Variants in TTC39C observed in about 807,000 individuals in gnomAD.
TTC39C encodes tetratricopeptide repeat domain 39C, also known as tetratricopeptide repeat protein 39C.
Under a neutral mutation model 76.3 loss-of-function variants are expected in TTC39C, and 33 were observed. That is an observed-to-expected ratio of 0.43 (90% CI 0.33 to 0.58). TTC39C has a LOEUF of 0.58. Among genes scored for constraint, TTC39C ranks in the 20% least tolerant of loss-of-function variants. TTC39C has a pLI of 0.04. For missense variants in TTC39C, 595 were observed against 701.4 expected, an observed-to-expected ratio of 0.85 and a Z score of 1.71; for synonymous variants, 254 against 260.6, an observed-to-expected ratio of 0.97 and a Z score of 0.24.
chr18:24,080,587 T>G lies in TTC39C; in HGVS notation c.463T>G (p.Tyr155Asp). ...LSFVKQELSA[Y>D]IKGGWILRKA... ...CTTTTCTCCCCTTCTCTTTTTAGCT[T>G]ATATCAAAGGTGGGTGGATCCTTAG... Residue 155 changes from tyrosine (Y) to aspartate (D), a missense_variant and splice_region_variant, in exon 5 of 14, where the codon TAT becomes GAT. Tyr to Asp is a radical substitution (Grantham distance 160). Transcript: ENST00000317571. The G allele has an allele frequency of 3.2e-6, 5 of 1,585,228 alleles. No homozygotes were observed. The highest frequency in any genetic ancestry group is 4.3e-6 in the Non-Finnish European group (5 of 1,167,682).
intron 1 of TTC39C, among the ~76,000 whole-genome samples, chr18:24,001,856 C>T (rs1271214348): frequency 1.7e-4 from 20 of 115,972 alleles, no homozygotes; most frequent in African/African-American, 7.1e-4. Flanking sequence ...GACGGAGTCT[C>T]GCTCTGTGGC....
chr18:24,094,227 C>T (rs1003101820), intron 6 of TTC39C, among the ~76,000 whole-genome samples: 3 of 152,164 alleles, frequency 2.0e-5, no homozygotes, highest in African/African-American at 7.2e-5. Flanking sequence ...CATGTTTTGT[C>T]CTGCGATTGC....
intron 1 of TTC39C, among the ~76,000 whole-genome samples, chr18:24,031,549 T>A (rs1291864440): frequency 6.6e-6 from 1 of 152,200 alleles, no homozygotes; most frequent in Admixed American, 6.5e-5. Flanking sequence ...CTTTATTGTC[T>A]GCCAATTTTG....
chr18:24,006,860 C>T lies in TTC39C; in HGVS notation c.-17+13822C>T, dbSNP rs188976587. ...TGTGCTATGAATGTGTATCTGGCTA[C>T]GTGTCTCATCAGGATGAGCTTCTCT... On this transcript the variant is annotated intron_variant, in intron 1 of 13. Transcript: ENST00000304621. 2.1e-4 allele frequency among the ~76,000 whole-genome samples: 32 copies of T among 152,276 alleles called. No individual in the cohort carries two copies. In the East Asian group the frequency reaches 2.7e-3, roughly 13 times the overall value.
chr18:24,066,219 A>G lies in TTC39C; in HGVS notation c.345+79A>G, dbSNP rs8096969. ...CTTTTGTTCATTTAGAACAAAAGCC[A>G]TTTGCTTGGTTTTAGTATTTAGAAT... On this transcript the variant is annotated intron_variant, in intron 3 of 13. Coordinates refer to ENST00000317571, the MANE Select transcript of TTC39C (RefSeq NM_001135993.2). 1.7e-3 allele frequency: 2,592 copies of G among 1,510,130 alleles called. 41 individuals carry two copies. The African/African-American group carries it at 0.031, about 18-fold the overall frequency. The allele number at this position is 1,510,130 out of a possible 1,614,324, so 93.5% of individuals were successfully genotyped here. A position where few individuals can be genotyped will look rare whatever the true frequency, so the allele number is the denominator to read the frequency against.
intron 10 of TTC39C, 151 bp downstream of exon 10, chr18:24,125,701 G>A: frequency 9.9e-7 from 1 of 1,010,840 alleles, no homozygotes; most frequent in Non-Finnish European, 1.4e-6. Context: ...GTGTCGTGAT[G>A]AAGAAAATCC....
intron 1 of TTC39C, chr18:24,015,249 T>G: frequency 2.2e-6 from 1 of 447,222 alleles, no homozygotes. Flanking sequence ...CGTTGTCCTT[T>G]CCCTCCCGGG....
intron 1 of TTC39C, among the ~76,000 whole-genome samples, chr18:23,993,513 T>C (rs1307340346): frequency 3.3e-5 from 5 of 152,192 alleles, no homozygotes; most frequent in Non-Finnish European, 7.3e-5. Flanking sequence ...CACTTATAGA[T>C]CTTGTACTCC....
Position 24,134,273 on chromosome 18 carries a change from T to TG in TTC39C, c.*1699_*1700insG, listed in dbSNP as rs2085171749. On this transcript the variant is annotated 3_prime_UTR_variant, in exon 14 of 14. Transcript: ENST00000317571. ...TGGACATCTGTTTTTTGTTTTTTTT[T>TG]TTTTTTTTTTTTTTTTTTGAGACGG... The TG allele has an allele frequency of 1.5e-5, 2 of 130,496 alleles. No homozygotes were observed. Among genetic ancestry groups the TG allele is most frequent in the African/African-American group, 5.8e-5 (2 of 34,396 alleles). The allele number at this position is 130,496 out of a possible 1,614,324, so 8.1% of individuals were successfully genotyped here.
chr18:24,113,265 C>G (rs563084215), intron 6 of TTC39C: 1 of 354,400 alleles, frequency 2.8e-6, no homozygotes, highest in South Asian at 4.4e-5. Context: ...AGTCATTTGG[C>G]TTACAGTGTT....
At chr18:24,099,037 A>G (rs8094040) in intron 6 of TTC39C, among the ~76,000 whole-genome samples, 101,093 of 131,132 alleles carry the variant, frequency 0.77, 37,573 homozygotes, top group Middle Eastern at 0.87. Context: ...GTGTGTGTGT[A>G]TATATATATC....
At chr18:24,030,682 C>T (rs1057159718) in intron 1 of TTC39C, among the ~76,000 whole-genome samples, 9 of 102,068 alleles carry the variant, frequency 8.8e-5, no homozygotes, top group Admixed American at 1.6e-4. Flanking sequence ...GATGGAATCT[C>T]GCTCTGTCAC....
At chr18:24,008,280 A>G (rs1255748069) in intron 1 of TTC39C, among the ~76,000 whole-genome samples, 1 of 152,230 alleles carries the variant, frequency 6.6e-6, no homozygotes, top group South Asian at 2.1e-4. Flanking sequence ...CACTCTGAGA[A>G]GCAAATGCCA....
intron 7 of TTC39C, 93 bp downstream of exon 7, chr18:24,114,740 G>A (rs2084870004): frequency 1.1e-6 from 1 of 910,396 alleles, no homozygotes; most frequent in Admixed American, 2.0e-5. Context: ...TCTACAAAAT[G>A]CTTGGTGCCT....
At chr18:24,076,907 G>A (rs2084313898) in intron 4 of TTC39C, 1 of 152,164 alleles carries the variant, frequency 6.6e-6, no homozygotes, top group South Asian at 2.1e-4. Context: ...GGAGGTTTCT[G>A]TTGTGTTTTA....
At position 24,064,127 on chromosome 18, in the gene TTC39C, G is replaced by A; in HGVS notation, c.168-13G>A. 1 of 1,609,152 alleles carries A rather than the reference G, an allele frequency of 6.2e-7. No homozygotes were observed. Among genetic ancestry groups the A allele is most frequent in the Non-Finnish European group, 8.5e-7 (1 of 1,178,086 alleles). ...AATTGTATTTTGTGTGTGTGTGTGT[G>A]TTTTTTTAACAGAAATCATAGCCCA... is the stretch of plus-strand genomic sequence containing the variant. On this transcript the variant is annotated splice_polypyrimidine_tract_variant and intron_variant, in intron 1 of 13. Coordinates refer to ENST00000317571, the MANE Select transcript of TTC39C (RefSeq NM_001135993.2).
At chr18:24,050,953 T>C (rs1032968778) in intron 1 of TTC39C, among the ~76,000 whole-genome samples, 2 of 152,144 alleles carry the variant, frequency 1.3e-5, no homozygotes. Context: ...CTTTCATGAC[T>C]GAGTATATTT....
chr18:24,086,929 TC>T (rs1457539573), intron 6 of TTC39C, among the ~76,000 whole-genome samples: 1 of 152,204 alleles, frequency 6.6e-6, no homozygotes, highest in South Asian at 2.1e-4. Flanking sequence ...TTTTTTTTTT[TC>T]TTTTGGGGAA....
intron 4 of TTC39C, among the ~76,000 whole-genome samples, chr18:24,069,697 T>C (rs770918878): frequency 2.6e-5 from 4 of 152,224 alleles, no homozygotes; most frequent in Non-Finnish European, 4.4e-5. Context: ...TTAAAGATCA[T>C]TAAAGATTTG....
Sources: allele counts gnomAD v4.1 joint callset (sites outside exome capture counted in the v4.1 genomes callset), GRCh38; gene constraint gnomAD v4.1.1; transcripts MANE v1.5; gene names NCBI Gene and HGNC (gene_info 2026-07-23, HGNC 2026-07-21).